UNKL: variants seen among roughly 807,000 people sequenced by gnomAD.
The protein encoded by UNKL is unk like zinc finger.
UNKL carries 60 observed loss-of-function variants against 78.0 expected under a neutral mutation model. That is an observed-to-expected ratio of 0.77 (90% CI 0.63 to 0.95). The LOEUF is 0.95. UNKL is among the 40% of genes least tolerant of loss of function. The pLI, the probability that UNKL is intolerant of heterozygous loss-of-function variation, is 0.00. For synonymous variants in UNKL, 608 were observed against 474.8 expected (o/e 1.28, Z -3.65); for missense variants, 1,159 against 1,045.7 (o/e 1.11, Z -1.49).
Position 1,391,160 on chromosome 16 carries a change from TACACACACACACACACAC to T in UNKL, c.1024-484_1024-467del, listed in dbSNP as rs59407356. Among the ~76,000 whole-genome samples, 10 of 144,738 alleles carry T rather than the reference TACACACACACACACACAC, an allele frequency of 6.9e-5. No individual in the cohort carries two copies. The East Asian group carries it at 1.2e-3, about 18-fold the overall frequency. 95.0% of individuals were successfully genotyped at this position (144,738 alleles called of 152,430 possible). A position where few individuals can be genotyped will look rare whatever the true frequency, so the allele number is the denominator to read the frequency against. Reference sequence around the variant, plus strand: ...GTGAGACTCTGTCTCCAAAAAAAAATACACACACACACACACACACACACACACACACACAATATATAT... The same window carrying T: ...GTGAGACTCTGTCTCCAAAAAAAAATACACACACACACACACAATATATAT... On this transcript the variant is annotated intron_variant, in intron 8 of 14. Coordinates refer to ENST00000389221, the MANE Select transcript of UNKL (RefSeq NM_001372107.1).
At chr16:1,385,584 T>G (rs1211062866) in intron 9 of UNKL, among the ~76,000 whole-genome samples, 199 bp from the exon 10 acceptor site, 1 of 152,202 alleles carries the variant, frequency 6.6e-6, no homozygotes, top group Admixed American at 6.5e-5. Flanking sequence ...CGGGCTACGG[T>G]GCACTTGGGA....
intron 9 of UNKL, among the ~76,000 whole-genome samples, chr16:1,390,331 C>A (rs1169607109): frequency 6.6e-6 from 1 of 152,176 alleles, no homozygotes; most frequent in East Asian, 1.9e-4. Context: ...CCCTCGCAGC[C>A]CAAAAAAGTA....
At chr16:1,414,225 G>A (rs898227996) in intron 1 of UNKL, 170 bp from the exon 2 acceptor site, 3 of 677,144 alleles carry the variant, frequency 4.4e-6, no homozygotes, top group Non-Finnish European at 7.1e-6. Flanking sequence ...CTCCAGACGC[G>A]ACCCTCACCC....
intron 8 of UNKL, among the ~76,000 whole-genome samples, chr16:1,391,694 C>T (rs1232506576): frequency 6.6e-6 from 1 of 151,396 alleles, no homozygotes; most frequent in Non-Finnish European, 1.5e-5. Context: ...CTTTTCTTTT[C>T]ATTTTTTTTC....
Position 1,367,743 on chromosome 16 carries a change from T to A in UNKL, c.1701A>T (p.Gly567=). The A allele has an allele frequency of 6.3e-7, 1 of 1,576,700 alleles. No individual in the cohort carries two copies. The highest frequency in any genetic ancestry group is 1.2e-5 in the South Asian group (1 of 85,612). The part of the protein sequence containing the change: ...PPSSSSASPN[G]AELARVRRQL... ...GCCGCCTGACCCGGGCCAGCTCAGC[T>A]CCGTTTGGACTTGCACTCGAAGAGG... Residue 567 remains glycine, a synonymous_variant, in exon 13 of 15, where the codon GGA becomes GGT. Coordinates refer to ENST00000389221, the MANE Select transcript of UNKL (RefSeq NM_001372107.1).
chr16:1,372,133 G>A lies in UNKL; in HGVS notation c.1265-522C>T, dbSNP rs369787299. Among the ~76,000 whole-genome samples the A allele has an allele frequency of 7.5e-3, 1,145 of 152,040 alleles. 10 individuals carry two copies. The highest frequency in any genetic ancestry group is 0.025 in the African/African-American group (1,049 of 41,454). On this transcript the variant is annotated intron_variant, in intron 10 of 14. Coordinates refer to ENST00000389221, the MANE Select transcript of UNKL (RefSeq NM_001372107.1). The stretch of plus-strand genomic sequence containing the variant: ...CAAAAAATTAGCCAGGCGTGGTGGC[G>A]GGTGCCTGTAGTCCCAGCTACTCGG...
intron 4 of UNKL, chr16:1,401,243 G>A (rs1193735079): frequency 3.0e-5 from 7 of 235,770 alleles, no homozygotes; most frequent in African/African-American, 1.1e-4. Context: ...CCTGGTGGGC[G>A]CCCCGGCTCT....
In UNKL at chr16:1,370,307, G is replaced by C. The variant is rs2141959869; in HGVS notation, c.1408C>G (p.Pro470Ala). The C allele has an allele frequency of 6.5e-7, 1 of 1,534,070 alleles. No homozygotes were observed. The highest frequency in any genetic ancestry group is 1.8e-4 in the Middle Eastern group (1 of 5,494). The change falls in exon 12 of 15, where the codon CCC becomes GCC. Residue 470 changes from proline to alanine, a missense_variant. By Grantham distance (27) the Pro-to-Ala change is conservative. Coordinates refer to ENST00000389221, the MANE Select transcript of UNKL (RefSeq NM_001372107.1). ...GGCGAGTGTAGCGATGGTGCTCTGG[G>C]CAGGGAGCCGGGGATGGCGACAGGT... ...SAPVAIPGSL[P>A]RAPSLHSPSS...
chr16:1,391,188 CA>C (rs1443515649), intron 8 of UNKL, among the ~76,000 whole-genome samples: 3 of 149,684 alleles, frequency 2.0e-5, no homozygotes, highest in Non-Finnish European at 4.4e-5. Flanking sequence ...CACACACACA[CA>C]CACACAATAT....
intron 12 of UNKL, 179 bp downstream of exon 12, chr16:1,369,951 G>T: frequency 1.3e-6 from 2 of 1,549,576 alleles, no homozygotes; most frequent in Non-Finnish European, 1.7e-6. Context: ...GTCCAACCTG[G>T]GCGACAGAGC....
Position 1,390,661 on chromosome 16 carries a change from G to A in UNKL, c.1057C>T (p.Pro353Ser). The A allele has an allele frequency of 6.5e-7, 1 of 1,536,036 alleles. No homozygotes were observed. Among genetic ancestry groups the A allele is most frequent in the Non-Finnish European group, 8.7e-7 (1 of 1,146,886 alleles). Residue 353 changes from proline (P) to serine (S), a missense_variant, in exon 9 of 15, where the codon CCT becomes TCT. Pro to Ser is a moderately conservative substitution (Grantham distance 74). Transcript: ENST00000389221. ...TTGCTGTCTTGCTCGCTGCCCCTAG[G>A]GCCACCCTCGGCCGGCGAGTCTCTC... Reference protein sequence around the residue: ...KRRDSPAEGGPRGSEQDSKQN... With the variant: ...KRRDSPAEGGSRGSEQDSKQN...
chr16:1,399,314 C>T lies in UNKL; in HGVS notation c.734+60G>A. 6.8e-7 allele frequency: 1 copy of T among 1,478,452 alleles called. No homozygotes were observed. The highest frequency in any genetic ancestry group is 9.0e-7 in the Non-Finnish European group (1 of 1,117,276). The allele number at this position is 1,478,452 out of a possible 1,614,324, so 91.6% of individuals were successfully genotyped here. A position where few individuals can be genotyped will look rare whatever the true frequency, so the allele number is the denominator to read the frequency against. On this transcript the variant is annotated intron_variant, in intron 5 of 14. Transcript: ENST00000389221. This position sits in a 1 kb window ranked among gnomAD's most constrained non-coding sequence, Gnocchi z 5.8. ...GAACCCCGGGGTGGGCAACGCGAGC[C>T]ACGGGCCGGGAAGGACGCCCACCAG...
Position 1,390,702 on chromosome 16 carries a change from A to T in UNKL, c.1024-8T>A. On this transcript the variant is annotated splice_region_variant and splice_polypyrimidine_tract_variant and intron_variant, in intron 8 of 14. Coordinates refer to ENST00000389221, the MANE Select transcript of UNKL (RefSeq NM_001372107.1). ...CGAGTCTCTCCGCTTGGCCTGCAACATAAAAAACAGTCATATGTGGAAAAA... is the reference window on the plus strand; with the variant it reads ...CGAGTCTCTCCGCTTGGCCTGCAACTTAAAAAACAGTCATATGTGGAAAAA... 6.5e-7 allele frequency: 1 copy of T among 1,535,988 alleles called. No homozygotes were observed. The highest frequency in any genetic ancestry group is 8.7e-7 in the Non-Finnish European group (1 of 1,146,854).
intron 6 of UNKL, chr16:1,395,886 GA>G (rs1414895897): frequency 1.2e-5 from 5 of 406,672 alleles, no homozygotes; most frequent in Non-Finnish European, 2.6e-5. Flanking sequence ...CATGAGTCAA[GA>G]AACGACGGGA....
intron 2 of UNKL, among the ~76,000 whole-genome samples, chr16:1,409,193 T>C (rs1045328392): frequency 2.0e-5 from 3 of 152,192 alleles, no homozygotes; most frequent in African/African-American, 7.2e-5. Flanking sequence ...ATTACAGGCG[T>C]GAGCCACCGC....
intron 12 of UNKL, among the ~76,000 whole-genome samples, chr16:1,369,323 G>A (rs1189554049): frequency 6.7e-6 from 1 of 149,794 alleles, no homozygotes; most frequent in African/African-American, 2.5e-5. Context: ...CCACCTCGGC[G>A]CCCCAAGTGC....
intron 10 of UNKL, among the ~76,000 whole-genome samples, chr16:1,376,073 T>G (rs952622176): frequency 2.0e-5 from 3 of 151,436 alleles, no homozygotes; most frequent in African/African-American, 7.3e-5. Flanking sequence ...TCTTCCCTCC[T>G]CCCTCCAGGG....
chr16:1,366,267 G>A lies in UNKL; in HGVS notation c.2175C>T (p.Tyr725=), dbSNP rs2035242194. 5.0e-6 allele frequency: 8 copies of A among 1,588,144 alleles called. No homozygotes were observed. In the East Asian group the frequency reaches 1.6e-4, roughly 32 times the overall value. ...PCAATAPECP[Y]CKGQPLQW is the part of the protein sequence containing the mutation. ...ACCACTGCAGGGGCTGGCCCTTGCA[G>A]TAGGGGCACTCAGGTGCGGTGGCCG... is the stretch of plus-strand genomic sequence containing the variant. The change falls in exon 15 of 15, where the codon TAC becomes TAT. Residue 725 remains tyrosine, a synonymous_variant. Transcript: ENST00000389221.
chr16:1,390,692 G>C lies in UNKL; in HGVS notation c.1026C>G (p.Ala342=), dbSNP rs762849243. 7 of 1,535,852 alleles carry C rather than the reference G, an allele frequency of 4.6e-6. No homozygotes were observed. The African/African-American group carries it at 6.8e-5, about 15-fold the overall frequency. The change falls in exon 9 of 15, where the codon GCC becomes GCG. Residue 342 remains alanine, a splice_region_variant and synonymous_variant. Coordinates refer to ENST00000389221, the MANE Select transcript of UNKL (RefSeq NM_001372107.1). The stretch of plus-strand genomic sequence containing the variant: ...CCTCGGCCGGCGAGTCTCTCCGCTT[G>C]GCCTGCAACATAAAAAACAGTCATA... ...SSTGSGQPGN[A]KRRDSPAEGG...
Sources: allele counts gnomAD v4.1 joint callset (sites outside exome capture counted in the v4.1 genomes callset), GRCh38; gene constraint gnomAD v4.1.1; non-coding constraint Gnocchi (gnomAD v3.1); transcripts MANE v1.5; gene names NCBI Gene and HGNC (gene_info 2026-07-23, HGNC 2026-07-21).